The following CHAF1B variants were observed in gnomAD, a reference collection of about 807,000 sequenced individuals.
CHAF1B encodes the protein chromatin assembly factor 1 subunit B, also known as CAF-1 subunit B.
CHAF1B carries 10 observed loss-of-function variants against 60.7 expected under a neutral mutation model. The observed-to-expected ratio is 0.16, with a 90% confidence interval of 0.10 to 0.28. The LOEUF is 0.28. Ranked by LOEUF, CHAF1B falls within the 10% of genes least tolerant of loss-of-function variation. The pLI, the probability that CHAF1B is intolerant of heterozygous loss-of-function variation, is 1.00. For missense variants in CHAF1B, 558 were observed against 708.4 expected, an observed-to-expected ratio of 0.79 and a Z score of 2.41; for synonymous variants, 261 against 266.1, an observed-to-expected ratio of 0.98 and a Z score of 0.19.
At chr21:36,411,729 T>A (rs2086279650) in intron 11 of CHAF1B, 125 bp downstream of exon 11, 1 of 1,175,010 alleles carries the variant, frequency 8.5e-7, no homozygotes, top group Non-Finnish European at 1.2e-6. Context: ...ACCAATTTTG[T>A]TTCTTATTTA....
At chr21:36,394,916 G>A (rs747871705) in intron 5 of CHAF1B, among the ~76,000 whole-genome samples, 1 of 151,450 alleles carries the variant, frequency 6.6e-6, no homozygotes, top group Non-Finnish European at 1.5e-5. Flanking sequence ...ATTTTTAGTA[G>A]AGACGGGTTT....
chr21:36,392,886 G>A (rs980317834), intron 4 of CHAF1B, among the ~76,000 whole-genome samples: 4 of 152,340 alleles, frequency 2.6e-5, no homozygotes, highest in Non-Finnish European at 5.9e-5. Flanking sequence ...GTTGTAGCGA[G>A]CGGAGACCAC....
chr21:36,401,344 T>C (rs2086186657), intron 7 of CHAF1B, among the ~76,000 whole-genome samples: 1 of 142,478 alleles, frequency 7.0e-6, no homozygotes, highest in Non-Finnish European at 1.5e-5. Flanking sequence ...TATATTTATA[T>C]TATATATAAT....
Position 36,412,372 on chromosome 21 carries a change from T to G in CHAF1B, c.1062-512T>G, listed in dbSNP as rs916711228. Among the ~76,000 whole-genome samples the G allele has an allele frequency of 2.6e-5, 4 of 151,922 alleles. 1 individual carries two copies. The highest frequency in any genetic ancestry group is 2.0e-4 in the Admixed American group (3 of 15,268). On this transcript the variant is annotated intron_variant, in intron 11 of 13. Transcript: ENST00000314103. ...GGCCTGCTTGGCCCAGTGTGAGGTT[T>G]TTTTTTTGAAACAGAGTCTCACTGT...
At chr21:36,408,643 A>G (rs1007242304) in intron 8 of CHAF1B, 118 bp from the exon 9 acceptor site, 3 of 677,886 alleles carry the variant, frequency 4.4e-6, no homozygotes, top group Non-Finnish European at 8.1e-6. Flanking sequence ...TCCAGAGAAT[A>G]TAACTGCAGG....
At chr21:36,393,210 G>A (rs1393579405) in intron 4 of CHAF1B, among the ~76,000 whole-genome samples, 1 of 152,044 alleles carries the variant, frequency 6.6e-6, no homozygotes, top group Non-Finnish European at 1.5e-5. Flanking sequence ...TGGAGAGAGC[G>A]GGAGAGGGAG....
chr21:36,393,275 A>G (rs2086107831), intron 4 of CHAF1B, among the ~76,000 whole-genome samples: 1 of 151,992 alleles, frequency 6.6e-6, no homozygotes, highest in African/African-American at 2.4e-5. Context: ...TTCTGTGGAG[A>G]CAGGGTCTCA....
intron 2 of CHAF1B, 139 bp from the exon 3 acceptor site, chr21:36,387,459 G>A (rs1429619097): frequency 8.9e-6 from 9 of 1,016,680 alleles, no homozygotes; most frequent in Non-Finnish European, 1.3e-5. Context: ...GGCCTCAAGT[G>A]ATTTACCCAC....
At chr21:36,396,451 A>G (rs903844248) in intron 5 of CHAF1B, among the ~76,000 whole-genome samples, 11 of 151,154 alleles carry the variant, frequency 7.3e-5, no homozygotes, top group African/African-American at 2.7e-4. Flanking sequence ...GCTCAAGCCT[A>G]GGAATTCAAG....
intron 7 of CHAF1B, among the ~76,000 whole-genome samples, chr21:36,399,835 A>C (rs1462944270): frequency 6.6e-6 from 1 of 152,188 alleles, no homozygotes; most frequent in Non-Finnish European, 1.5e-5. Context: ...AGGACAGGAC[A>C]GTGGTTTTCA....
At chr21:36,411,751 C>A in intron 11 of CHAF1B, 147 bp downstream of exon 11, 1 of 929,816 alleles carries the variant, frequency 1.1e-6, no homozygotes, top group Non-Finnish European at 1.6e-6. Context: ...TTTTTTGAGA[C>A]CAAGTATCAC....
intron 3 of CHAF1B, 64 bp downstream of exon 3, chr21:36,387,794 A>G: frequency 6.5e-7 from 1 of 1,540,024 alleles, no homozygotes; most frequent in South Asian, 1.1e-5. Context: ...GTCTTGTGTC[A>G]GATAGTGAGA....
chr21:36,414,606 T>TTTTA (rs2086303210), intron 12 of CHAF1B, among the ~76,000 whole-genome samples: 2 of 152,234 alleles, frequency 1.3e-5, no homozygotes, highest in South Asian at 2.1e-4. Context: ...GACTCTGGGT[T>TTTTA]TTTATTTATT....
chr21:36,416,487 A>G lies in CHAF1B; in HGVS notation c.*121A>G, dbSNP rs569223539. On this transcript the variant is annotated 3_prime_UTR_variant, in exon 14 of 14. Coordinates refer to ENST00000314103, the MANE Select transcript of CHAF1B (RefSeq NM_005441.3). Reference sequence around the variant, plus strand: ...CGGGACACACTGTAAATGGATTTCTATAACAGAAGTGACATGTGTACTGAT... The same window carrying G: ...CGGGACACACTGTAAATGGATTTCTGTAACAGAAGTGACATGTGTACTGAT... The G allele has an allele frequency of 3.3e-4, 215 of 653,856 alleles. No individual in the cohort carries two copies. The East Asian group carries it at 5.7e-3, about 17-fold the overall frequency. 40.5% of individuals were successfully genotyped at this position (653,856 alleles called of 1,614,324 possible).
chr21:36,405,705 A>G (rs1300953333), intron 8 of CHAF1B, among the ~76,000 whole-genome samples: 1 of 152,152 alleles, frequency 6.6e-6, no homozygotes, highest in Non-Finnish European at 1.5e-5. Context: ...AGCTGGGATT[A>G]CAGGTGTGAG....
intron 4 of CHAF1B, among the ~76,000 whole-genome samples, chr21:36,393,745 C>T (rs1329635208): frequency 6.6e-6 from 1 of 152,046 alleles, no homozygotes; most frequent in South Asian, 2.1e-4. Flanking sequence ...TGAGCCACTG[C>T]GACCGGTCAG....
At position 36,386,642 on chromosome 21, in the gene CHAF1B, T is replaced by C. The variant is rs1054425718; in HGVS notation, c.126+380T>C. Among the ~76,000 whole-genome samples the C allele has an allele frequency of 3.9e-5, 6 of 152,098 alleles. No homozygotes were observed. In the East Asian group the frequency reaches 1.2e-3, roughly 29 times the overall value. ...ATTAACGTATGTCAACAAACTAAAC[T>C]ACTTTGTCATCTAGCCCAGAATGCT... is the stretch of plus-strand genomic sequence containing the variant. On this transcript the variant is annotated intron_variant, in intron 2 of 13. Transcript: ENST00000314103.
intron 8 of CHAF1B, among the ~76,000 whole-genome samples, chr21:36,405,810 C>A (rs142646501): frequency 3.5e-4 from 53 of 152,192 alleles, no homozygotes; most frequent in Middle Eastern, 3.4e-3. Context: ...AAAGCAAGTT[C>A]TGAACAAATG....
At chr21:36,398,356 TA>T (rs1244357881) in intron 6 of CHAF1B, 3 of 152,252 alleles carry the variant, frequency 2.0e-5, no homozygotes, top group East Asian at 3.9e-4. Context: ...TTTTTATTTT[TA>T]TTTTTTTTAA....
Sources: allele counts gnomAD v4.1 joint callset (sites outside exome capture counted in the v4.1 genomes callset), GRCh38; gene constraint gnomAD v4.1.1; transcripts MANE v1.5; gene names NCBI Gene and HGNC (gene_info 2026-07-23, HGNC 2026-07-21).